Variants in ATP6AP2 observed in about 807,000 individuals in gnomAD.
The protein encoded by ATP6AP2 is ATPase H+ transporting accessory protein 2.
ATP6AP2 carries 1 observed loss-of-function variant against 23.4 expected under a neutral mutation model. The observed-to-expected ratio is 0.04, with a 90% CI of 0.02 to 0.20. The LOEUF is 0.20. Ranked by LOEUF, ATP6AP2 falls within the 10% of genes least tolerant of loss-of-function variation. ATP6AP2 has a pLI of 1.00. For missense variants in ATP6AP2, 174 were observed against 271.3 expected (o/e 0.64, Z 2.52); for synonymous variants, 90 against 97.1 (o/e 0.93, Z 0.43).
intron 3 of ATP6AP2, among the ~76,000 whole-genome samples, chrX:40,593,018 C>T (rs1370953119): frequency 4.5e-5 from 5 of 112,347 alleles, no homozygotes; most frequent in Non-Finnish European, 9.4e-5. Flanking sequence ...GAGGCCAAGG[C>T]GGGTGAATCA....
rs750606994 is a variant in ATP6AP2 at position 40,599,560 on chromosome X, G to A, written c.589-32G>A. ...TGACGTCTTTCATCTTACTTTATCCGCTACCTTTTTTTGTTTGTTTGTTCT... is the reference window on the plus strand; with the variant it reads ...TGACGTCTTTCATCTTACTTTATCCACTACCTTTTTTTGTTTGTTTGTTCT... On this transcript the variant is annotated intron_variant, in intron 6 of 8. Coordinates refer to ENST00000636580, the MANE Select transcript of ATP6AP2 (RefSeq NM_005765.3). 13 of 1,205,069 alleles carry A rather than the reference G, an allele frequency of 1.1e-5. No homozygotes were observed. The East Asian group carries it at 3.0e-4, about 27-fold the overall frequency.
intron 3 of ATP6AP2, among the ~76,000 whole-genome samples, chrX:40,595,390 C>T (rs1472471579): frequency 8.9e-6 from 1 of 112,378 alleles, no homozygotes; most frequent in Non-Finnish European, 1.9e-5. Context: ...TCAAGTCATA[C>T]AGGTACAGAA....
intron 1 of ATP6AP2, among the ~76,000 whole-genome samples, chrX:40,588,783 TC>T (rs1350400003): frequency 8.9e-6 from 1 of 111,889 alleles, no homozygotes; most frequent in Non-Finnish European, 1.9e-5. Context: ...GTACTTTTGT[TC>T]CAGCAGAATG....
At position 40,589,314 on chromosome X, in the gene ATP6AP2, G is replaced by C. The variant is rs781027563; in HGVS notation, c.168+198G>C. ...CTGGGAGGCCGAGGTGGGAGGCTCA[G>C]TTGAACCCAGGAATTTGAGACCAAC... On this transcript the variant is annotated intron_variant, in intron 2 of 8. Transcript: ENST00000636580. 7 of 425,992 alleles carry C rather than the reference G, an allele frequency of 1.6e-5. No homozygotes were observed. The East Asian group carries it at 2.9e-4, about 18-fold the overall frequency. 35.1% of individuals were successfully genotyped at this position (425,992 alleles called of 1,213,427 possible). A position where few individuals can be genotyped will look rare whatever the true frequency, so the allele number is the denominator to read the frequency against.
At chrX:40,599,239 G>A in intron 6 of ATP6AP2, 1 of 236,722 alleles carries the variant, frequency 4.2e-6, no homozygotes, top group Non-Finnish European at 7.6e-6. Flanking sequence ...GTGTTGGTTC[G>A]GGGAGTCTGG....
intron 1 of ATP6AP2, among the ~76,000 whole-genome samples, chrX:40,584,324 G>A (rs1602396278): frequency 9.2e-6 from 1 of 108,702 alleles, no homozygotes; most frequent in Non-Finnish European, 1.9e-5. Context: ...CAAAGTGCTG[G>A]GATTACACGC....
At chrX:40,591,209 C>G (rs758943321) in intron 2 of ATP6AP2, 25 bp from the exon 3 acceptor site, 11 of 1,207,806 alleles carry the variant, frequency 9.1e-6, no homozygotes, top group Non-Finnish European at 1.2e-5. Flanking sequence ...TAATTAAGCA[C>G]CGCTTTGTGC....
chrX:40,606,423 TTC>T lies in ATP6AP2; in HGVS notation c.*669_*670del, dbSNP rs1279751968. On this transcript the variant is annotated 3_prime_UTR_variant, in exon 9 of 9. Coordinates refer to ENST00000636580, the MANE Select transcript of ATP6AP2 (RefSeq NM_005765.3). ...AGCCTTGTGGAGTATATAGATGCTTTTCATTATACACACAAAAATCCCTGAGG... is the reference window on the plus strand; with the variant it reads ...AGCCTTGTGGAGTATATAGATGCTTTATTATACACACAAAAATCCCTGAGG... 8.0e-5 allele frequency: 9 copies of T among 112,340 alleles called. No individual in the cohort carries two copies. The highest frequency in any genetic ancestry group is 2.6e-4 in the African/African-American group (8 of 30,855). The allele number at this position is 112,340 out of a possible 1,213,427, so 9.3% of individuals were successfully genotyped here.
chrX:40,592,263 AT>A (rs1438220764), intron 3 of ATP6AP2: 1 of 112,855 alleles, frequency 8.9e-6, no homozygotes, highest in African/African-American at 3.2e-5. Flanking sequence ...AGGAAAAAAA[AT>A]GCCATGAGAA....
At chrX:40,600,709 A>G in intron 7 of ATP6AP2, 53 bp from the exon 8 acceptor site, 4 of 1,134,985 alleles carry the variant, frequency 3.5e-6, no homozygotes, top group Non-Finnish European at 4.8e-6. Flanking sequence ...TTAATTAAAA[A>G]TGAAAAAAGT....
chrX:40,604,453 G>C (rs6609077), intron 8 of ATP6AP2, among the ~76,000 whole-genome samples: 1 of 110,430 alleles, frequency 9.1e-6, no homozygotes, highest in Non-Finnish European at 1.9e-5. Context: ...AACCATCAGA[G>C]CTCATGAGAA....
intron 2 of ATP6AP2, 90 bp downstream of exon 2, chrX:40,589,206 G>T: frequency 2.9e-6 from 3 of 1,028,209 alleles, no homozygotes; most frequent in Non-Finnish European, 4.0e-6. Flanking sequence ...TCAAACGAAC[G>T]TAGGTACGTT....
intron 6 of ATP6AP2, 103 bp from the exon 7 acceptor site, chrX:40,599,489 A>T: frequency 1.1e-6 from 1 of 941,036 alleles, no homozygotes; most frequent in Non-Finnish European, 1.5e-6. Context: ...GGTATGGTTT[A>T]GTTTAGCCTA....
chrX:40,581,167 G>GGGGCGGCCGC (rs1377531505), intron 1 of ATP6AP2, 65 bp downstream of exon 1: 3 of 1,036,308 alleles, frequency 2.9e-6, no homozygotes, highest in Non-Finnish European at 1.2e-6. Flanking sequence ...TTGGGGGTCG[G>GGGGCGGCCGC]GGGCGGCCGC....
intron 2 of ATP6AP2, chrX:40,590,604 C>G: frequency 8.7e-6 from 1 of 114,454 alleles, no homozygotes; most frequent in East Asian, 2.7e-4. Context: ...GTCTTGAACT[C>G]CTGGACACAA....
intron 8 of ATP6AP2, among the ~76,000 whole-genome samples, chrX:40,601,836 A>G (rs1364007084): frequency 2.7e-5 from 3 of 112,437 alleles, no homozygotes; most frequent in Non-Finnish European, 5.6e-5. Context: ...GAGATAGTCT[A>G]GCGATTACTG....
At chrX:40,587,686 A>C (rs1184217099) in intron 1 of ATP6AP2, among the ~76,000 whole-genome samples, 1 of 111,935 alleles carries the variant, frequency 8.9e-6, no homozygotes, top group African/African-American at 3.2e-5. Flanking sequence ...CTTGGAGCCC[A>C]TTTTTTTAAT....
At chrX:40,598,823 T>C in intron 6 of ATP6AP2, 89 bp downstream of exon 6, 2 of 899,994 alleles carry the variant, frequency 2.2e-6, no homozygotes, top group Non-Finnish European at 3.2e-6. Context: ...AAAAGTTTGA[T>C]TAAGTATGCC....
intron 3 of ATP6AP2, chrX:40,592,644 A>T (rs1926662177): frequency 8.9e-6 from 1 of 112,705 alleles, no homozygotes; most frequent in South Asian, 3.6e-4. Context: ...CCCATGAGTT[A>T]TGTAGAAGTA....
Sources: gnomAD v4.1 joint callset for allele counts (sites outside exome capture counted in the v4.1 genomes callset) on GRCh38, gnomAD v4.1.1 for gene constraint, MANE v1.5 for transcripts, NCBI Gene and HGNC (gene_info 2026-07-23, HGNC 2026-07-21) for gene names.